Variants in TBXAS1 observed in about 807,000 individuals in gnomAD.
The protein encoded by TBXAS1 is thromboxane A synthase 1.
TBXAS1 carries 48 observed loss-of-function variants against 60.7 expected under a neutral mutation model. The ratio of observed to expected loss-of-function variants is 0.79; its 90% CI spans 0.63 to 1.01. TBXAS1 has a LOEUF of 1.01. Ranked by LOEUF, TBXAS1 falls within the 50% of genes least tolerant of loss-of-function variation. The pLI, the probability that TBXAS1 is intolerant of heterozygous loss-of-function variation, is 0.00. For missense variants in TBXAS1, 685 were observed against 686.3 expected (o/e 1.00, Z 0.02); for synonymous variants, 287 against 269.7 (o/e 1.06, Z -0.63).
At chr7:139,894,434 C>A (rs1009110040) in intron 3 of TBXAS1, among the ~76,000 whole-genome samples, 3 of 152,084 alleles carry the variant, frequency 2.0e-5, no homozygotes, top group Non-Finnish European at 4.4e-5. Context: ...CCCTCATTAA[C>A]CCCCTGCTCT....
In TBXAS1 at chr7:139,807,619, G is replaced by A. The variant is rs185965298; in HGVS notation, c.-80+20193G>A. Among the ~76,000 whole-genome samples the A allele has an allele frequency of 6.0e-4, 91 of 152,172 alleles. No individual in the cohort carries two copies. The East Asian group carries it at 6.4e-3, about 11-fold the overall frequency. ...AGGATGGTCTCGATCTCTTGACTTC[G>A]TGATCCACCCACCTCAGCCTCCCAA... On this transcript the variant is annotated intron_variant, in intron 4 of 16. Transcript: ENST00000336425.
At chr7:139,911,126 G>T in intron 3 of TBXAS1, 99 bp from the exon 4 acceptor site, 1 of 1,007,000 alleles carries the variant, frequency 9.9e-7, no homozygotes, top group Non-Finnish European at 1.6e-6. Context: ...TTACTTCCTA[G>T]TTATCTTTTA....
At chr7:139,887,427 C>T (rs1803196656) in intron 3 of TBXAS1, among the ~76,000 whole-genome samples, 1 of 151,996 alleles carries the variant, frequency 6.6e-6, no homozygotes, top group Non-Finnish European at 1.5e-5. Flanking sequence ...ATTAACTCTC[C>T]CTTCCCTCCT....
chr7:139,955,769 T>C (rs1469717971), intron 7 of TBXAS1, among the ~76,000 whole-genome samples, 162 bp downstream of exon 7: 1 of 152,180 alleles, frequency 6.6e-6, no homozygotes. Context: ...CGGGTTCCTC[T>C]TGTCACCCGC....
intron 1 of TBXAS1, among the ~76,000 whole-genome samples, chr7:139,868,363 T>C (rs1246401655): frequency 6.6e-6 from 1 of 152,206 alleles, no homozygotes; most frequent in Non-Finnish European, 1.5e-5. Flanking sequence ...CAACTTTTCA[T>C]TGACCCTGTA....
chr7:139,955,721 G>T, intron 7 of TBXAS1, 114 bp downstream of exon 7: 1 of 1,494,868 alleles, frequency 6.7e-7, no homozygotes, highest in Non-Finnish European at 9.2e-7. Context: ...AGGGCACTCG[G>T]GTTGTTCCCC....
intron 9 of TBXAS1, among the ~76,000 whole-genome samples, chr7:140,000,799 T>C (rs1165750457): frequency 6.6e-6 from 1 of 152,230 alleles, no homozygotes; most frequent in African/African-American, 2.4e-5. Context: ...CTTTCTCCCT[T>C]AACACATCCT....
intron 1 of TBXAS1, among the ~76,000 whole-genome samples, chr7:139,854,301 C>T (rs867319858): frequency 1.3e-5 from 2 of 152,080 alleles, no homozygotes; most frequent in Non-Finnish European, 1.5e-5. Context: ...CAAGATTGCC[C>T]AAGCCTAATT....
intron 1 of TBXAS1, among the ~76,000 whole-genome samples, chr7:139,845,923 C>T (rs537527061): frequency 3.3e-5 from 5 of 151,326 alleles, no homozygotes; most frequent in South Asian, 4.2e-4. Context: ...TCCCCAGGCT[C>T]GGGGAATTCT....
At chr7:139,924,142 C>A (rs2117120564) in intron 4 of TBXAS1, among the ~76,000 whole-genome samples, 1 of 152,282 alleles carries the variant, frequency 6.6e-6, no homozygotes, top group East Asian at 1.9e-4. Flanking sequence ...GATTTCCTTT[C>A]TTTGGGGTAT....
At chr7:139,875,294 A>G (rs927928434) in intron 2 of TBXAS1, among the ~76,000 whole-genome samples, 12 of 152,244 alleles carry the variant, frequency 7.9e-5, no homozygotes, top group Non-Finnish European at 1.8e-4. Context: ...CAAATTTCAG[A>G]GGGCAATGTT....
intron 4 of TBXAS1, among the ~76,000 whole-genome samples, chr7:139,933,098 A>G (rs1807464466): frequency 6.6e-6 from 1 of 152,202 alleles, no homozygotes; most frequent in Non-Finnish European, 1.5e-5. Flanking sequence ...AAAACATTAC[A>G]ATAATCAATA....
Position 139,836,347 on chromosome 7 carries a change from C to G in TBXAS1, c.89+6868C>G, listed in dbSNP as rs150504164. Among the ~76,000 whole-genome samples the G allele has an allele frequency of 4.4e-4, 67 of 152,244 alleles. 1 individual carries two copies. The East Asian group carries it at 0.013, about 28-fold the overall frequency. On this transcript the variant is annotated intron_variant, in intron 1 of 12. Coordinates refer to ENST00000448866, the MANE Select transcript of TBXAS1 (RefSeq NM_001061.7). The stretch of plus-strand genomic sequence containing the variant: ...AAATTCATACAGAACTGAAAAAGAG[C>G]CTGCATAGCTAAAGCAAGACTAAGC...
chr7:139,897,499 C>T (rs11981804), intron 3 of TBXAS1, among the ~76,000 whole-genome samples: 62,605 of 151,848 alleles, frequency 0.41, 13,234 homozygotes, highest in South Asian at 0.5. Context: ...CAGATTTGCA[C>T]TTTACCAAGT....
chr7:139,918,000 T>G (rs2117085495), intron 4 of TBXAS1, among the ~76,000 whole-genome samples: 1 of 152,318 alleles, frequency 6.6e-6, no homozygotes, highest in African/African-American at 2.4e-5. Flanking sequence ...TCAATTCTTA[T>G]CTCTCAATGG....
chr7:139,994,301 C>T (rs1813141949), intron 9 of TBXAS1, among the ~76,000 whole-genome samples: 1 of 152,252 alleles, frequency 6.6e-6, no homozygotes, highest in Admixed American at 6.5e-5. Flanking sequence ...CCTTGGCCTC[C>T]CAAAGTGCTG....
At chr7:139,956,526 G>A (rs1161132029) in intron 7 of TBXAS1, among the ~76,000 whole-genome samples, 4 of 152,312 alleles carry the variant, frequency 2.6e-5, no homozygotes, top group East Asian at 1.9e-4. Context: ...GAGCATTGAC[G>A]TGTTGTTATG....
chr7:139,860,093 C>T (rs1449213697), intron 1 of TBXAS1, among the ~76,000 whole-genome samples: 2 of 152,184 alleles, frequency 1.3e-5, no homozygotes, highest in African/African-American at 4.8e-5. Flanking sequence ...TGAGATTGTG[C>T]CACTGCACTC....
rs775528739 is a variant in TBXAS1 at position 139,911,337 on chromosome 7, T to A, written c.333+16T>A. ...CAACAGAATGGTACGTAGTTTTCTT[T>A]CCGCATATAGATGGATGGGGAATTG... On this transcript the variant is annotated intron_variant, in intron 4 of 12. Coordinates refer to ENST00000448866, the MANE Select transcript of TBXAS1 (RefSeq NM_001061.7). 19 of 1,603,002 alleles carry A rather than the reference T, an allele frequency of 1.2e-5. No individual in the cohort carries two copies. The highest frequency in any genetic ancestry group is 1.6e-5 in the Non-Finnish European group (19 of 1,169,792).
Sources: allele counts gnomAD v4.1 joint callset (sites outside exome capture counted in the v4.1 genomes callset), GRCh38; gene constraint gnomAD v4.1.1; transcripts MANE v1.5; gene names NCBI Gene and HGNC (gene_info 2026-07-23, HGNC 2026-07-21).